The following VRK2 variants were observed in gnomAD, a reference collection of about 807,000 sequenced individuals.
The protein encoded by VRK2 is VRK serine/threonine kinase 2.
In VRK2, 60 loss-of-function variants were observed where a neutral mutation model predicts 57.6. The observed-to-expected ratio is 1.04, with a 90% CI of 0.85 to 1.29. The LOEUF (loss-of-function observed/expected upper bound fraction) is 1.29, where lower values mean the gene tolerates loss of function less well. Ranked by LOEUF, VRK2 falls within the 50% of genes most tolerant of loss-of-function variation. The pLI is 0.00. For synonymous variants in VRK2, 231 were observed against 199.2 expected (o/e 1.16, Z -1.35); for missense variants, 705 against 588.1 (o/e 1.20, Z -2.06).
rs543729011 is a variant in VRK2, at chr2:58,127,022, G to A, written c.676+3789G>A. On this transcript the variant is annotated intron_variant, in intron 8 of 12. Coordinates refer to ENST00000340157, the MANE Select transcript of VRK2 (RefSeq NM_006296.7). ...TAAATACTTCAGACCTGTGCATTGAGTCTGTAATACCTATCTTAATTTGAC... is the reference window on the plus strand; with the variant it reads ...TAAATACTTCAGACCTGTGCATTGAATCTGTAATACCTATCTTAATTTGAC... 1.4e-4 allele frequency among the ~76,000 whole-genome samples: 22 copies of A among 152,084 alleles called. 1 individual carries two copies. Among genetic ancestry groups the A allele is most frequent in the African/African-American group, 5.3e-4 (22 of 41,518 alleles).
chr2:58,088,933 C>T (rs1672004360), intron 6 of VRK2, among the ~76,000 whole-genome samples: 1 of 152,152 alleles, frequency 6.6e-6, no homozygotes, highest in South Asian at 2.1e-4. Context: ...CACTCAGGCA[C>T]ACATTTGTTT....
chr2:58,123,120 G>C lies in VRK2; in HGVS notation c.563G>C (p.Gly188Ala), dbSNP rs1254737152. ...NPDQVYLADY[G>A]LSYRYCPNGN... ...TTCCAGGTTTATCTTGCAGATTATG[G>C]ACTTTCCTACAGATATTGTCCCAAT... The change falls in exon 8 of 13, where the codon GGA becomes GCA. Residue 188 changes from glycine to alanine, a missense_variant. Coordinates refer to ENST00000340157, the MANE Select transcript of VRK2 (RefSeq NM_006296.7). 1.8e-5 allele frequency: 29 copies of C among 1,600,014 alleles called. No individual in the cohort carries two copies. Among genetic ancestry groups the C allele is most frequent in the Non-Finnish European group, 2.5e-5 (29 of 1,175,932 alleles).
At chr2:57,997,343 G>A (rs1672956078) in intron 1 of VRK2, among the ~76,000 whole-genome samples, 1 of 152,016 alleles carries the variant, frequency 6.6e-6, no homozygotes, top group Admixed American at 6.6e-5. Context: ...AAGCAGAAAA[G>A]ATGGGAAGAA....
Position 58,118,090 on chromosome 2 carries a change from C to T in VRK2, c.544-5011C>T, listed in dbSNP as rs141041411. 7.3e-3 allele frequency among the ~76,000 whole-genome samples: 1,104 copies of T among 151,998 alleles called. 11 individuals carry two copies. The highest frequency in any genetic ancestry group is 0.055 in the East Asian group (281 of 5,136). ...GTGAAGGAGAAGGGGTTGAGGGGTACTTGCCCCTCCCCCAGAAAAGTGGGA... is the reference window on the plus strand; with the variant it reads ...GTGAAGGAGAAGGGGTTGAGGGGTATTTGCCCCTCCCCCAGAAAAGTGGGA... On this transcript the variant is annotated intron_variant, in intron 7 of 12. Transcript: ENST00000340157.
intron 7 of VRK2, among the ~76,000 whole-genome samples, chr2:58,112,723 G>T (rs1487009614): frequency 6.6e-6 from 1 of 152,158 alleles, no homozygotes; most frequent in Non-Finnish European, 1.5e-5. Flanking sequence ...AATTTTAGAA[G>T]CAAATGACTT....
At chr2:58,156,030 C>G (rs1426751129) in intron 12 of VRK2, among the ~76,000 whole-genome samples, 3 of 151,476 alleles carry the variant, frequency 2.0e-5, no homozygotes, top group Non-Finnish European at 4.4e-5. Context: ...GGTGGAGACT[C>G]AAGGGAGGGT....
chr2:58,068,753 C>T (rs1289213609), intron 2 of VRK2, among the ~76,000 whole-genome samples: 2 of 146,768 alleles, frequency 1.4e-5, no homozygotes, highest in South Asian at 2.2e-4. Flanking sequence ...TTTGATCTAT[C>T]ATCAAGTTCA....
intron 12 of VRK2, among the ~76,000 whole-genome samples, chr2:58,148,126 G>A (rs1682448028): frequency 6.6e-6 from 1 of 151,826 alleles, no homozygotes; most frequent in Non-Finnish European, 1.5e-5. Flanking sequence ...GTTCTTGAAA[G>A]TACCATTCTG....
upstream of VRK2, among the ~76,000 whole-genome samples, chr2:58,044,694 G>C (rs531904388): frequency 2.6e-5 from 4 of 152,292 alleles, no homozygotes; most frequent in African/African-American, 9.6e-5. Context: ...GGAAGTGATG[G>C]AGCAGTCTAT....
At chr2:57,970,750 C>T (rs879455348) in intron 1 of VRK2, among the ~76,000 whole-genome samples, 6 of 151,826 alleles carry the variant, frequency 4.0e-5, no homozygotes, top group African/African-American at 1.2e-4. Context: ...AAACCCATTA[C>T]TAAATTTTAA....
chr2:58,092,283 A>G (rs567805832), intron 7 of VRK2, among the ~76,000 whole-genome samples: 55 of 152,250 alleles, frequency 3.6e-4, no homozygotes, highest in Non-Finnish European at 6.2e-4. Context: ...TAAGGTATGT[A>G]CTGTTTTGGG....
At chr2:57,968,156 G>A (rs966990416) in intron 1 of VRK2, among the ~76,000 whole-genome samples, 3 of 151,638 alleles carry the variant, frequency 2.0e-5, no homozygotes, top group Non-Finnish European at 4.4e-5. Flanking sequence ...ACCTGAAACT[G>A]CAAAAAAATT....
At chr2:57,976,385 A>C (rs1303510394) in intron 1 of VRK2, among the ~76,000 whole-genome samples, 1 of 152,132 alleles carries the variant, frequency 6.6e-6, no homozygotes, top group Non-Finnish European at 1.5e-5. Flanking sequence ...AGCAGAGTAT[A>C]AGTATTCCCT....
At chr2:57,999,293 CTTTG>C (rs1336315508) in intron 1 of VRK2, among the ~76,000 whole-genome samples, 3 of 152,104 alleles carry the variant, frequency 2.0e-5, no homozygotes, top group Non-Finnish European at 4.4e-5. Flanking sequence ...GTAGTTCCTT[CTTTG>C]TTTGTGTTTA....
At chr2:58,014,133 A>C (rs530961603) in intron 1 of VRK2, among the ~76,000 whole-genome samples, 1 of 152,296 alleles carries the variant, frequency 6.6e-6, no homozygotes, top group African/African-American at 2.4e-5. Flanking sequence ...CATTTTTATC[A>C]GTTTTAAAAT....
At chr2:58,029,936 C>G (rs1241281169) in intron 2 of VRK2, among the ~76,000 whole-genome samples, 1 of 152,096 alleles carries the variant, frequency 6.6e-6, no homozygotes, top group African/African-American at 2.4e-5. Flanking sequence ...TTTGTCTGGT[C>G]CAGTCTAAAG....
intron 7 of VRK2, among the ~76,000 whole-genome samples, chr2:58,107,402 T>C (rs921134430): frequency 1.3e-5 from 2 of 152,178 alleles, no homozygotes; most frequent in Non-Finnish European, 2.9e-5. Context: ...AGGTCTTCTC[T>C]CTTTACGCAT....
At position 58,119,602 on chromosome 2, in the gene VRK2, A is replaced by C. The variant is rs886892098; in HGVS notation, c.544-3499A>C. Among the ~76,000 whole-genome samples the C allele has an allele frequency of 3.3e-5, 5 of 151,638 alleles. No homozygotes were observed. In the South Asian group the frequency reaches 1.0e-3, roughly 32 times the overall value. ...TTACTCGGGACAGATTAGTGACTTG[A>C]CTTCTTCTTATGTATAGTTTCTACT... is the stretch of plus-strand genomic sequence containing the variant. On this transcript the variant is annotated intron_variant, in intron 7 of 12. Transcript: ENST00000340157.
At chr2:58,065,633 C>T (rs769053163) in intron 2 of VRK2, among the ~76,000 whole-genome samples, 7 of 151,936 alleles carry the variant, frequency 4.6e-5, no homozygotes, top group African/African-American at 1.5e-4. Context: ...TCCAGAACAA[C>T]GACAACAAAA....
Sources: gnomAD v4.1 joint callset for allele counts (sites outside exome capture counted in the v4.1 genomes callset) on GRCh38, gnomAD v4.1.1 for gene constraint, MANE v1.5 for transcripts, NCBI Gene and HGNC (gene_info 2026-07-23, HGNC 2026-07-21) for gene names.